The following GPC5 variants were observed in gnomAD, a reference collection of about 807,000 sequenced individuals.
GPC5 encodes glypican-5.
A neutral mutation model predicts 53.9 loss-of-function variants in GPC5; 47 were observed. The observed-to-expected ratio is 0.87, with a 90% CI of 0.69 to 1.11. The LOEUF is 1.11. GPC5 is among the 50% of genes most tolerant of loss of function. The pLI, the probability that GPC5 is intolerant of heterozygous loss-of-function variation, is 0.00. For missense variants in GPC5, 748 were observed against 713.1 expected, an observed-to-expected ratio of 1.05 and a Z score of -0.56; for synonymous variants, 286 against 263.3, an observed-to-expected ratio of 1.09 and a Z score of -0.84.
chr13:92,205,726 C>G lies in GPC5; in HGVS notation c.1561+60737C>G, dbSNP rs141865799. Among the ~76,000 whole-genome samples, 25 of 152,174 alleles carry G rather than the reference C, an allele frequency of 1.6e-4. No homozygotes were observed. The East Asian group carries it at 4.5e-3, about 27-fold the overall frequency. On this transcript the variant is annotated intron_variant, in intron 7 of 7. Transcript: ENST00000377067. ...TAAATATACCTAACGTTTGGAGGAG[C>G]CATTTGGAACAGTGATACGTTTATA... is the stretch of plus-strand genomic sequence containing the variant.
At chr13:91,428,492 A>G (rs80219323) in intron 1 of GPC5, among the ~76,000 whole-genome samples, 13 of 152,318 alleles carry the variant, frequency 8.5e-5, no homozygotes, top group African/African-American at 3.1e-4. Context: ...CCCAGGACCA[A>G]TCAGGGGCTG....
At chr13:92,718,041 C>A (rs1263357380) in intron 7 of GPC5, among the ~76,000 whole-genome samples, 1 of 152,020 alleles carries the variant, frequency 6.6e-6, no homozygotes, top group Non-Finnish European at 1.5e-5. Flanking sequence ...ATTGAAAGGG[C>A]AAACAATAAA....
At chr13:92,011,727 T>C (rs2040663387) in intron 6 of GPC5, among the ~76,000 whole-genome samples, 1 of 152,220 alleles carries the variant, frequency 6.6e-6, no homozygotes. Flanking sequence ...TTAAAAATCA[T>C]TTATATATAA....
intron 7 of GPC5, among the ~76,000 whole-genome samples, chr13:92,335,820 T>C (rs2043318503): frequency 6.6e-6 from 1 of 152,176 alleles, no homozygotes; most frequent in Admixed American, 6.5e-5. Context: ...CTGGACTTTT[T>C]TGTCCATATC....
At chr13:92,731,371 T>C (rs1169936667) in intron 7 of GPC5, among the ~76,000 whole-genome samples, 2 of 151,480 alleles carry the variant, frequency 1.3e-5, no homozygotes, top group African/African-American at 4.8e-5. Flanking sequence ...GAAAGTTAAT[T>C]ATGAAACAAA....
chr13:92,213,772 G>C (rs796862051), intron 7 of GPC5, among the ~76,000 whole-genome samples: 1 of 152,064 alleles, frequency 6.6e-6, no homozygotes, highest in African/African-American at 2.4e-5. Context: ...AATTCCATTT[G>C]ATAGTCTTTT....
chr13:92,217,468 G>A (rs763528249), intron 7 of GPC5, among the ~76,000 whole-genome samples: 1 of 152,134 alleles, frequency 6.6e-6, no homozygotes, highest in Non-Finnish European at 1.5e-5. Context: ...TAGGAGTTCT[G>A]TCAGATTGGT....
intron 2 of GPC5, among the ~76,000 whole-genome samples, chr13:91,654,724 A>G (rs1293815154): frequency 6.6e-6 from 1 of 152,184 alleles, no homozygotes; most frequent in African/African-American, 2.4e-5. Flanking sequence ...ATTTAGCACA[A>G]TGCCTGGCTC....
chr13:91,895,239 C>T (rs908750393), intron 5 of GPC5, among the ~76,000 whole-genome samples: 4 of 152,044 alleles, frequency 2.6e-5, no homozygotes, highest in African/African-American at 9.7e-5. Context: ...TTCTGGACAC[C>T]ATTTATGACA....
chr13:91,563,276 T>C (rs1015677940), intron 2 of GPC5, among the ~76,000 whole-genome samples: 12 of 152,264 alleles, frequency 7.9e-5, no homozygotes, highest in African/African-American at 2.9e-4. Context: ...CACAAACATA[T>C]GCACCTGCAC....
intron 7 of GPC5, among the ~76,000 whole-genome samples, chr13:92,611,720 T>C (rs1884443048): frequency 6.6e-6 from 1 of 152,132 alleles, no homozygotes. Flanking sequence ...ATTTTAATTG[T>C]TATTAAAATA....
intron 7 of GPC5, among the ~76,000 whole-genome samples, chr13:92,861,051 A>C (rs1022515501): frequency 1.3e-5 from 2 of 152,080 alleles, no homozygotes; most frequent in African/African-American, 4.8e-5. Context: ...AGAGCATGAA[A>C]GTATATATAT....
intron 7 of GPC5, among the ~76,000 whole-genome samples, chr13:92,551,391 C>G (rs1308368433): frequency 3.0e-5 from 4 of 131,758 alleles, no homozygotes; most frequent in African/African-American, 1.2e-4. Flanking sequence ...TCAGATTAAC[C>G]AGATATTTTC....
At chr13:91,800,638 T>C (rs2038119416) in intron 5 of GPC5, among the ~76,000 whole-genome samples, 1 of 152,156 alleles carries the variant, frequency 6.6e-6, no homozygotes, top group Non-Finnish European at 1.5e-5. Flanking sequence ...TCTCTTTTGT[T>C]AATAGAGGTT....
intron 1 of GPC5, among the ~76,000 whole-genome samples, chr13:91,401,424 T>G (rs1259880749): frequency 6.6e-6 from 1 of 152,228 alleles, no homozygotes; most frequent in African/African-American, 2.4e-5. Flanking sequence ...GGTAATTGAC[T>G]ATCATATTTT....
At chr13:92,658,936 T>TTG (rs1886236226) in intron 7 of GPC5, 1 of 136,490 alleles carries the variant, frequency 7.3e-6, no homozygotes, top group Non-Finnish European at 1.6e-5. Flanking sequence ...TTTTTTTTTT[T>TTG]TTTTTTTTTT....
intron 7 of GPC5, among the ~76,000 whole-genome samples, chr13:92,372,758 T>C (rs1192655987): frequency 6.6e-6 from 1 of 152,146 alleles, no homozygotes; most frequent in Non-Finnish European, 1.5e-5. Flanking sequence ...AGCAGAAACA[T>C]TGTTTGAGTA....
chr13:92,037,234 G>A (rs2040900971), intron 6 of GPC5, among the ~76,000 whole-genome samples: 1 of 151,840 alleles, frequency 6.6e-6, no homozygotes, highest in Non-Finnish European at 1.5e-5. Flanking sequence ...CACACACCTT[G>A]CTTACTTATT....
At chr13:92,161,908 T>A (rs2041990485) in intron 7 of GPC5, among the ~76,000 whole-genome samples, 1 of 146,598 alleles carries the variant, frequency 6.8e-6, no homozygotes, top group Admixed American at 6.9e-5. Flanking sequence ...TTTATGCTAA[T>A]TTTTAAGAAT....
Sources: allele counts gnomAD v4.1 joint callset (sites outside exome capture counted in the v4.1 genomes callset), GRCh38; gene constraint gnomAD v4.1.1; transcripts MANE v1.5; gene names NCBI Gene and HGNC (gene_info 2026-07-23, HGNC 2026-07-21).